TANC2: variants seen among roughly 807,000 people sequenced by gnomAD.
TANC2 encodes tetratricopeptide repeat, ankyrin repeat and coiled-coil containing 2, also known as protein TANC2.
In TANC2, 26 loss-of-function variants were observed where a neutral mutation model predicts 210.5. That is an observed-to-expected ratio of 0.12 (90% CI 0.09 to 0.17). TANC2 has a LOEUF of 0.17. Among genes scored for constraint, TANC2 ranks in the 10% least tolerant of loss-of-function variants. TANC2 has a pLI of 1.00. For synonymous variants in TANC2, 931 were observed against 967.1 expected (o/e 0.96, Z 0.69); for missense variants, 2,129 against 2,608.9 (o/e 0.82, Z 4.01).
intron 11 of TANC2, among the ~76,000 whole-genome samples, chr17:63,324,456 A>G (rs1382413319): frequency 6.6e-5 from 10 of 152,314 alleles, no homozygotes; most frequent in Admixed American, 6.5e-4. Flanking sequence ...TTTGAACATA[A>G]TATGGAAATG....
rs2041043215 is a variant in TANC2 at position 63,187,701 on chromosome 17, A to G, written c.434-6290A>G. Reference sequence around the variant, plus strand: ...AATCCTAAGCACAAGAAACATGAAGATTTCACTAAGACACAATATGAAACT... The same window carrying G: ...AATCCTAAGCACAAGAAACATGAAGGTTTCACTAAGACACAATATGAAACT... On this transcript the variant is annotated intron_variant, in intron 5 of 27. Coordinates refer to ENST00000689528, the Ensembl canonical transcript of TANC2. 2.6e-5 allele frequency among the ~76,000 whole-genome samples: 4 copies of G among 152,100 alleles called. No individual in the cohort carries two copies. In the South Asian group the frequency reaches 8.3e-4, roughly 31 times the overall value.
intron 5 of TANC2, chr17:63,154,842 CTT>C (rs2039780178): frequency 6.6e-6 from 1 of 152,170 alleles, no homozygotes; most frequent in East Asian, 1.9e-4. Flanking sequence ...TGTCACTTAA[CTT>C]TTCCATTCCA....
intron 4 of TANC2, among the ~76,000 whole-genome samples, chr17:63,120,343 T>C (rs1389496122): frequency 6.6e-6 from 1 of 152,190 alleles, no homozygotes; most frequent in Non-Finnish European, 1.5e-5. Context: ...TGAATCTGTA[T>C]GTATGTTAGG....
chr17:63,417,604 C>G lies in TANC2; in HGVS notation c.4168-703C>G, dbSNP rs138818229. Among the ~76,000 whole-genome samples, 973 of 152,196 alleles carry G rather than the reference C, an allele frequency of 6.4e-3. 8 individuals are homozygous for G. Among genetic ancestry groups the G allele is most frequent in the African/African-American group, 0.023 (948 of 41,512 alleles). ...TAAAAAAAGGAACAGATCAGAGAAG[C>G]CTCTGTGAAATAGAAAGAAAACGAT... On this transcript the variant is annotated intron_variant, in intron 26 of 27. Transcript: ENST00000689528.
At chr17:63,043,568 A>G (rs1444930561) in intron 2 of TANC2, among the ~76,000 whole-genome samples, 1 of 152,134 alleles carries the variant, frequency 6.6e-6, no homozygotes, top group Non-Finnish European at 1.5e-5. Flanking sequence ...ACTTGTACTC[A>G]TGTACTTTGA....
At chr17:63,401,160 T>C (rs932815158) in intron 19 of TANC2, among the ~76,000 whole-genome samples, 2 of 152,184 alleles carry the variant, frequency 1.3e-5, no homozygotes, top group Non-Finnish European at 2.9e-5. Flanking sequence ...TAATGACCTA[T>C]TGAATTATGA....
At chr17:63,058,679 G>A (rs75344224) in intron 2 of TANC2, among the ~76,000 whole-genome samples, 4,503 of 152,176 alleles carry the variant, frequency 0.03, 83 homozygotes, top group South Asian at 0.038. Context: ...TGAATAGGAC[G>A]TCCTTTCCCC....
At chr17:63,047,011 A>G (rs547995090) in intron 2 of TANC2, among the ~76,000 whole-genome samples, 2 of 152,242 alleles carry the variant, frequency 1.3e-5, no homozygotes, top group South Asian at 4.1e-4. Flanking sequence ...GTCTCTCTAT[A>G]TAGGGAGTAA....
chr17:63,355,144 T>C, exon 14 of TANC2: 2 of 1,613,892 alleles, frequency 1.2e-6, no homozygotes, highest in Non-Finnish European at 1.7e-6. Flanking sequence ...GACCGGGTGA[T>C]GCCTCTCCTG....
intron 11 of TANC2, among the ~76,000 whole-genome samples, chr17:63,328,529 G>A (rs1377396940): frequency 1.3e-5 from 2 of 151,804 alleles, no homozygotes; most frequent in African/African-American, 2.4e-5. Flanking sequence ...AAATAAGCCA[G>A]AAACAGAAAG....
At chr17:63,188,525 G>A (rs1369399849) in intron 5 of TANC2, among the ~76,000 whole-genome samples, 5 of 151,172 alleles carry the variant, frequency 3.3e-5, no homozygotes, top group African/African-American at 1.2e-4. Context: ...CCCAGGAGGC[G>A]GAGGTTGCAG....
chr17:63,064,247 G>C (rs1251777769), intron 2 of TANC2, among the ~76,000 whole-genome samples: 1 of 152,072 alleles, frequency 6.6e-6, no homozygotes, highest in African/African-American at 2.4e-5. Context: ...TTGAGCCCAA[G>C]AATTTTGAGA....
chr17:63,099,486 T>C, intron 4 of TANC2, 129 bp downstream of exon 4: 2 of 488,952 alleles, frequency 4.1e-6, no homozygotes, highest in Non-Finnish European at 6.1e-6. Context: ...TCACAGACTC[T>C]TGACACTAAA....
intron 7 of TANC2, among the ~76,000 whole-genome samples, chr17:63,231,152 A>G (rs970930854): frequency 2.6e-5 from 4 of 151,972 alleles, no homozygotes; most frequent in African/African-American, 4.8e-5. Flanking sequence ...TTTTGAGCCT[A>G]TGTGTGTCTT....
At chr17:63,366,934 G>T (rs1157245311) in intron 14 of TANC2, among the ~76,000 whole-genome samples, 2 of 152,222 alleles carry the variant, frequency 1.3e-5, no homozygotes, top group Non-Finnish European at 2.9e-5. Context: ...GCCACAAGCA[G>T]ACTATAAGAC....
chr17:63,210,051 G>C (rs1320889273), intron 7 of TANC2, among the ~76,000 whole-genome samples: 1 of 152,104 alleles, frequency 6.6e-6, no homozygotes, highest in Non-Finnish European at 1.5e-5. Flanking sequence ...TAGGATTTTT[G>C]AATCTATATC....
At chr17:63,223,170 G>A (rs2042240294) in intron 7 of TANC2, among the ~76,000 whole-genome samples, 1 of 152,122 alleles carries the variant, frequency 6.6e-6, no homozygotes, top group Admixed American at 6.5e-5. Context: ...TTTTCTTTTG[G>A]AGCTGAATAG....
intron 11 of TANC2, among the ~76,000 whole-genome samples, chr17:63,322,389 TCG>T (rs1381179821): frequency 6.6e-5 from 10 of 152,078 alleles, no homozygotes; most frequent in Non-Finnish European, 8.8e-5. Context: ...TCCCAGCTAC[TCG>T]GGAGGCTGAG....
intron 2 of TANC2, among the ~76,000 whole-genome samples, chr17:63,020,761 A>G (rs1160426692): frequency 1.3e-5 from 2 of 152,182 alleles, no homozygotes; most frequent in African/African-American, 2.4e-5. Context: ...TGAGTAATAT[A>G]AAGAAAAGAT....
Sources: allele counts gnomAD v4.1 joint callset (sites outside exome capture counted in the v4.1 genomes callset), GRCh38; gene constraint gnomAD v4.1.1; transcripts MANE v1.5; gene names NCBI Gene and HGNC (gene_info 2026-07-23, HGNC 2026-07-21).